Variants in FGFR1 observed in about 807,000 individuals in gnomAD.
The protein encoded by FGFR1 is FGFR1/PLAG1 fusion.
FGFR1 carries 18 observed loss-of-function variants against 93.7 expected under a neutral mutation model. That is an observed-to-expected ratio of 0.19 (90% confidence interval 0.13 to 0.28). The LOEUF (loss-of-function observed/expected upper bound fraction) is 0.28, where lower values mean the gene tolerates loss of function less well. FGFR1 is among the 10% of genes least tolerant of loss of function. The pLI is 1.00. For synonymous variants in FGFR1, 448 were observed against 429.3 expected, an observed-to-expected ratio of 1.04 and a Z score of -0.54; for missense variants, 731 against 1,080.4, an observed-to-expected ratio of 0.68 and a Z score of 4.53.
chr8:38,465,371 G>A (rs867556832), intron 1 of FGFR1: 1 of 232,454 alleles, frequency 4.3e-6, no homozygotes, highest in South Asian at 1.8e-4. Context: ...CGCAGTCCAA[G>A]TGGCTCTCAA....
At chr8:38,456,420 T>C (rs1256830728) in intron 2 of FGFR1, among the ~76,000 whole-genome samples, 2 of 152,158 alleles carry the variant, frequency 1.3e-5, no homozygotes, top group Non-Finnish European at 2.9e-5. Flanking sequence ...CAACACGCCA[T>C]AGGTCTCCAT....
rs1224074014 is a variant in FGFR1, at chr8:38,422,210, C to A, written c.937-269G>T. On this transcript the variant is annotated intron_variant, in intron 7 of 17. Coordinates refer to ENST00000447712, the MANE Select transcript of FGFR1 (RefSeq NM_023110.3). ...CAGATGCTGGCAGCCACTGGCCCAT[C>A]CGAGCATGCGGGCGGTGAGCGGCAT... 27 of 510,496 alleles carry A rather than the reference C, an allele frequency of 5.3e-5. No homozygotes were observed. The South Asian group carries it at 5.5e-4, about 10-fold the overall frequency. 31.6% of individuals were successfully genotyped at this position (510,496 alleles called of 1,614,324 possible). A position where few individuals can be genotyped will look rare whatever the true frequency, so the allele number is the denominator to read the frequency against.
intron 2 of FGFR1, chr8:38,440,438 T>C (rs1314333614): frequency 1.5e-6 from 2 of 1,375,622 alleles, no homozygotes; most frequent in Non-Finnish European, 2.0e-6. Context: ...AGTCCCCAAA[T>C]AGAAGGAGAG....
chr8:38,459,721 T>C (rs995075891), intron 1 of FGFR1, among the ~76,000 whole-genome samples: 1 of 152,176 alleles, frequency 6.6e-6, no homozygotes, highest in African/African-American at 2.4e-5. Context: ...TAATAGTGCC[T>C]CAAGGTTTTT....
At chr8:38,445,549 T>A (rs983675113) in intron 2 of FGFR1, among the ~76,000 whole-genome samples, 3 of 152,106 alleles carry the variant, frequency 2.0e-5, no homozygotes, top group Non-Finnish European at 1.5e-5. Flanking sequence ...TGACATTTCA[T>A]TTTTTGGGGA....
chr8:38,422,138 G>T (rs561125223), intron 7 of FGFR1, 197 bp from the exon 8 acceptor site: 1 of 631,010 alleles, frequency 1.6e-6, no homozygotes, highest in Non-Finnish European at 2.8e-6. Context: ...CCTGAGGGAA[G>T]AACTCCGGCA....
rs2150529791 is a variant in FGFR1 at position 38,414,146 on chromosome 8, G to A, written c.2186+6C>T. Reference sequence around the variant, plus strand: ...CTCAGGGCCTCCGACATCTCCTCGGGCTTACAGCTCGTTGGTGCAGTTACT... The same window carrying A: ...CTCAGGGCCTCCGACATCTCCTCGGACTTACAGCTCGTTGGTGCAGTTACT... On this transcript the variant is annotated splice_donor_region_variant and intron_variant, in intron 16 of 17. Coordinates refer to ENST00000447712, the MANE Select transcript of FGFR1 (RefSeq NM_023110.3). The A allele has an allele frequency of 6.2e-7, 1 of 1,614,166 alleles. No homozygotes were observed. Among genetic ancestry groups the A allele is most frequent in the Non-Finnish European group, 8.5e-7 (1 of 1,180,036 alleles).
intron 2 of FGFR1, among the ~76,000 whole-genome samples, chr8:38,438,667 T>G (rs919189352): frequency 6.6e-6 from 1 of 151,894 alleles, no homozygotes; most frequent in Admixed American, 6.6e-5. Flanking sequence ...CAAACACAGG[T>G]AGCCTGGTTC....
chr8:38,418,723 A>G, intron 9 of FGFR1: 1 of 355,340 alleles, frequency 2.8e-6, no homozygotes, highest in Non-Finnish European at 5.4e-6. Flanking sequence ...CTAACTCCCA[A>G]AGCACCTTCC....
At chr8:38,425,007 A>G (rs1315031714) in intron 6 of FGFR1, among the ~76,000 whole-genome samples, 2 of 152,170 alleles carry the variant, frequency 1.3e-5, no homozygotes, top group Non-Finnish European at 2.9e-5. Context: ...GCTCCTCCTT[A>G]AAAAACCAGA....
intron 6 of FGFR1, chr8:38,425,890 A>G (rs1362482301): frequency 7.6e-5 from 45 of 593,986 alleles, no homozygotes; most frequent in Non-Finnish European, 3.0e-5. Flanking sequence ...AGCACCTTCA[A>G]TTTCACAGTG....
chr8:38,434,065 T>G (rs545242942), intron 2 of FGFR1, among the ~76,000 whole-genome samples: 2 of 152,356 alleles, frequency 1.3e-5, no homozygotes, highest in Admixed American at 1.3e-4. Context: ...GTGTTCAAAC[T>G]TCCTCCATGT....
rs1314778232 is a variant in FGFR1, at chr8:38,425,936, ACT to A, written c.745+184_745+185del. 8 of 732,104 alleles carry A rather than the reference ACT, an allele frequency of 1.1e-5. No homozygotes were observed. The African/African-American group carries it at 1.2e-4, about 11-fold the overall frequency. The allele number at this position is 732,104 out of a possible 1,614,324, so 45.4% of individuals were successfully genotyped here. A position where few individuals can be genotyped will look rare whatever the true frequency, so the allele number is the denominator to read the frequency against. On this transcript the variant is annotated intron_variant, in intron 6 of 17. Coordinates refer to ENST00000447712, the MANE Select transcript of FGFR1 (RefSeq NM_023110.3). ...TTGACCGTGTTACTGTCTGATCTTAACTCTATTTTACAGATAAGAAAAGTGAG... is the reference window on the plus strand; with the variant it reads ...TTGACCGTGTTACTGTCTGATCTTAACTATTTTACAGATAAGAAAAGTGAG...
chr8:38,458,560 T>C (rs1193670603), intron 1 of FGFR1, among the ~76,000 whole-genome samples: 1 of 151,384 alleles, frequency 6.6e-6, no homozygotes, highest in Non-Finnish European at 1.5e-5. Context: ...AAAAAAAAAA[T>C]TTTAAAAAGA....
In FGFR1 at chr8:38,417,731, C is replaced by T; in HGVS notation, c.1552+139G>A. 4.9e-6 allele frequency: 6 copies of T among 1,229,216 alleles called. No individual in the cohort carries two copies. In the South Asian group the frequency reaches 6.1e-5, roughly 12 times the overall value. The allele number at this position is 1,229,216 out of a possible 1,614,324, so 76.1% of individuals were successfully genotyped here. A position where few individuals can be genotyped will look rare whatever the true frequency, so the allele number is the denominator to read the frequency against. The stretch of plus-strand genomic sequence containing the variant: ...CTCAAGGTGCAGAACACCCCCTCCA[C>T]TCCCAGGTAACCCCAAGCAGGCAGC... On this transcript the variant is annotated intron_variant, in intron 11 of 17. Coordinates refer to ENST00000447712, the MANE Select transcript of FGFR1 (RefSeq NM_023110.3).
intron 8 of FGFR1, 152 bp downstream of exon 8, chr8:38,421,645 C>T: frequency 1.2e-6 from 1 of 821,208 alleles, no homozygotes; most frequent in South Asian, 1.4e-5. Flanking sequence ...GAGGATTCAG[C>T]CCTCAAAGCT....
intron 1 of FGFR1, 97 bp from the exon 2 acceptor site, chr8:38,457,631 A>G (rs1019647014): frequency 3.1e-5 from 40 of 1,271,876 alleles, no homozygotes; most frequent in South Asian, 4.1e-5. Flanking sequence ...GTGGCTGCTT[A>G]AAGTGTGGAC....
Position 38,429,641 on chromosome 8 carries a change from G to T in FGFR1, c.358+41C>A, listed in dbSNP as rs904674619. On this transcript the variant is annotated intron_variant, in intron 3 of 17. Coordinates refer to ENST00000447712, the MANE Select transcript of FGFR1 (RefSeq NM_023110.3). This position sits in a 1 kb window ranked among gnomAD's most constrained non-coding sequence, Gnocchi z 4.4. ...AAACTGGCAGAGAGGGCTGGAGGGG[G>T]TGGGTCTAGGGAGGGGCAAGGGCAG... 1 of 1,546,038 alleles carries T rather than the reference G, an allele frequency of 6.5e-7. No individual in the cohort carries two copies. The highest frequency in any genetic ancestry group is 2.0e-5 in the Admixed American group (1 of 51,116).
rs1815325104 is a variant in FGFR1 at position 38,413,935 on chromosome 8, C to A, written c.2275G>T (p.Ala759Ser). 1 of 1,614,012 alleles carries A rather than the reference C, an allele frequency of 6.2e-7. No individual in the cohort carries two copies. Among genetic ancestry groups the A allele is most frequent in the Non-Finnish European group, 8.5e-7 (1 of 1,179,956 alleles). ...QLVEDLDRIV[A>S]LTSNQEYLDL... ...AGCCTTACCTGGTTGGAGGTCAAGG[C>A]CACGATGCGGTCCAGGTCTTCCACC... The change falls in exon 17 of 18, where the codon GCC becomes TCC. Residue 759 changes from alanine (A) to serine (S), a missense_variant. This residue lies in a region of FGFR1 where 79 missense variants were observed against 97.2 expected (regional missense o/e 0.81). Coordinates refer to ENST00000447712, the MANE Select transcript of FGFR1 (RefSeq NM_023110.3). The surrounding 1 kb of genome is among the most constrained non-coding windows in gnomAD (Gnocchi z 4.2).
Sources: gnomAD v4.1 joint callset for allele counts (sites outside exome capture counted in the v4.1 genomes callset) on GRCh38, gnomAD v4.1.1 for gene constraint, gnomAD v4.1.1 regional missense constraint, Gnocchi (gnomAD v3.1) non-coding constraint, MANE v1.5 for transcripts, NCBI Gene and HGNC (gene_info 2026-07-23, HGNC 2026-07-21) for gene names.